Variants in GJC1 observed in about 807,000 individuals in gnomAD.
The protein encoded by GJC1 is gap junction gamma-1 protein.
In GJC1, 5 loss-of-function variants were observed where a neutral mutation model predicts 29.3. The observed-to-expected ratio is 0.17, with a 90% CI of 0.09 to 0.36. The LOEUF (loss-of-function observed/expected upper bound fraction) is 0.36. Ranked by LOEUF, GJC1 falls within the 10% of genes least tolerant of loss-of-function variation. The pLI, the probability that GJC1 is intolerant of heterozygous loss-of-function variation, is 1.00. For synonymous variants in GJC1, 177 were observed against 183.3 expected (o/e 0.97, Z 0.28); for missense variants, 310 against 496.2 (o/e 0.62, Z 3.56).
intron 1 of GJC1, among the ~76,000 whole-genome samples, chr17:44,816,886 T>C (rs1240832356): frequency 6.6e-6 from 1 of 152,202 alleles, no homozygotes; most frequent in Non-Finnish European, 1.5e-5. Flanking sequence ...ATTAAACTCA[T>C]TTTAAAGATG....
intron 1 of GJC1, among the ~76,000 whole-genome samples, chr17:44,824,571 G>A (rs1053752503): frequency 5.3e-5 from 8 of 152,024 alleles, no homozygotes; most frequent in Non-Finnish European, 8.8e-5. Flanking sequence ...CGAAAGTGCT[G>A]GGAGTACATG....
downstream of GJC1, among the ~76,000 whole-genome samples, chr17:44,795,303 C>A (rs143532303): frequency 5.8e-4 from 88 of 152,340 alleles, 2 homozygotes; most frequent in East Asian, 0.016. Flanking sequence ...TCTTGACTCA[C>A]TGCAACCTCT....
intron 1 of GJC1, among the ~76,000 whole-genome samples, chr17:44,810,548 T>C (rs939181912): frequency 2.0e-5 from 3 of 152,166 alleles, no homozygotes; most frequent in African/African-American, 4.8e-5. Context: ...GGGTACTCTA[T>C]ACCCACACTC....
At chr17:44,796,764 T>C (rs1408639739), downstream of GJC1, among the ~76,000 whole-genome samples, 1 of 152,084 alleles carries the variant, frequency 6.6e-6, no homozygotes, top group Non-Finnish European at 1.5e-5. Flanking sequence ...CCCAGAGAAC[T>C]TGTTAGTTCT....
At chr17:44,821,633 G>C (rs1184778110) in intron 1 of GJC1, among the ~76,000 whole-genome samples, 8 of 145,912 alleles carry the variant, frequency 5.5e-5, no homozygotes, top group African/African-American at 1.0e-4. Flanking sequence ...GGAGGTGGAG[G>C]CTGCAGTGAG....
At chr17:44,816,492 GTTTGT>G (rs1243085605) in intron 1 of GJC1, among the ~76,000 whole-genome samples, 1 of 152,046 alleles carries the variant, frequency 6.6e-6, no homozygotes, top group Non-Finnish European at 1.5e-5. Flanking sequence ...ACATAATTCA[GTTTGT>G]TTTGTTTTGT....
downstream of GJC1, among the ~76,000 whole-genome samples, chr17:44,797,267 G>T (rs1442286847): frequency 6.6e-6 from 1 of 151,944 alleles, no homozygotes; most frequent in South Asian, 2.1e-4. Flanking sequence ...CACCATGGCC[G>T]GCTAATTTTT....
At chr17:44,817,864 TA>T (rs2050061301) in intron 1 of GJC1, among the ~76,000 whole-genome samples, 1 of 152,028 alleles carries the variant, frequency 6.6e-6, no homozygotes, top group African/African-American at 2.4e-5. Flanking sequence ...CCAATGGAAT[TA>T]TGTACAGGTT....
chr17:44,806,881 A>C (rs1288106136), intron 2 of GJC1, among the ~76,000 whole-genome samples: 1 of 152,178 alleles, frequency 6.6e-6, no homozygotes, highest in Non-Finnish European at 1.5e-5. Flanking sequence ...ATTTTAGACA[A>C]GTGCTAAAAG....
Position 44,800,026 on chromosome 17 carries a change from C to A in GJC1, c.*4601G>T, listed in dbSNP as rs2049823816. 1.3e-5 allele frequency: 2 copies of A among 152,210 alleles called. No homozygotes were observed. The highest frequency in any genetic ancestry group is 4.8e-5 in the African/African-American group (2 of 41,438). 9.4% of individuals were successfully genotyped at this position (152,210 alleles called of 1,614,324 possible). On this transcript the variant is annotated 3_prime_UTR_variant, in exon 3 of 3. Coordinates refer to ENST00000592524, the MANE Select transcript of GJC1 (RefSeq NM_005497.4). ...CAAGTATGCAATTCAATGATTCCAA[C>A]ATTTGATGGTGACTGTGAATTATTA...
At chr17:44,811,639 G>C (rs532780894) in intron 1 of GJC1, among the ~76,000 whole-genome samples, 1 of 151,918 alleles carries the variant, frequency 6.6e-6, no homozygotes, top group South Asian at 2.1e-4. Context: ...TGCCTGCCTC[G>C]GCCTTCCAAA....
chr17:44,818,558 C>T (rs1430724179), intron 1 of GJC1, among the ~76,000 whole-genome samples: 1 of 150,752 alleles, frequency 6.6e-6, no homozygotes, highest in Non-Finnish European at 1.5e-5. Context: ...GTAATCCTAG[C>T]ACTTTGGGAG....
At chr17:44,821,697 C>CAAAAAAAAAAAAAAAAAAAAAAAA (rs61303163) in intron 1 of GJC1, among the ~76,000 whole-genome samples, 5 of 58,356 alleles carry the variant, frequency 8.6e-5, no homozygotes, top group African/African-American at 3.1e-4. Flanking sequence ...AACTCCGTCT[C>CAAAAAAAAAAAAAAAAAAAAAAAA]AAAAAAAAAA....
chr17:44,821,958 G>A (rs1329967650), intron 1 of GJC1, among the ~76,000 whole-genome samples: 1 of 151,810 alleles, frequency 6.6e-6, no homozygotes, highest in East Asian at 1.9e-4. Context: ...AGCACTTTGG[G>A]AGGCCGAGGC....
intron 1 of GJC1, among the ~76,000 whole-genome samples, chr17:44,810,948 C>T (rs2049973086): frequency 6.6e-6 from 1 of 151,806 alleles, no homozygotes; most frequent in African/African-American, 2.4e-5. Flanking sequence ...TGGCTAATTT[C>T]TGTATAGATG....
chr17:44,811,488 G>C (rs1440284839), intron 1 of GJC1, among the ~76,000 whole-genome samples: 1 of 151,382 alleles, frequency 6.6e-6, no homozygotes, highest in Non-Finnish European at 1.5e-5. Flanking sequence ...CCAGGTTCAG[G>C]TGATCCTCTC....
chr17:44,819,831 T>C (rs958671600), intron 1 of GJC1, among the ~76,000 whole-genome samples: 5 of 152,146 alleles, frequency 3.3e-5, no homozygotes, highest in African/African-American at 1.2e-4. Context: ...CTGTGAATAA[T>C]GCTGTTATGA....
In GJC1 at chr17:44,800,578, C is replaced by G. The variant is rs1164805406; in HGVS notation, c.*4049G>C. On this transcript the variant is annotated 3_prime_UTR_variant, in exon 3 of 3. Coordinates refer to ENST00000592524, the MANE Select transcript of GJC1 (RefSeq NM_005497.4). ...GAAGTGGACTGTCTCTTAAATGAGA[C>G]AGCATAAAGTATGGACTTGTAGAAG... 10 of 152,172 alleles carry G rather than the reference C, an allele frequency of 6.6e-5. No homozygotes were observed. The East Asian group carries it at 1.9e-3, about 29-fold the overall frequency. The allele number at this position is 152,172 out of a possible 1,614,324, so 9.4% of individuals were successfully genotyped here.
chr17:44,821,720 AAAAAAC>A (rs1567714246), intron 1 of GJC1, among the ~76,000 whole-genome samples: 12 of 140,860 alleles, frequency 8.5e-5, no homozygotes, highest in African/African-American at 3.1e-4. Flanking sequence ...AAAAAAAAAA[AAAAAAC>A]AACAAAAAAA....
Sources: gnomAD v4.1 joint callset for allele counts (sites outside exome capture counted in the v4.1 genomes callset) on GRCh38, gnomAD v4.1.1 for gene constraint, MANE v1.5 for transcripts, NCBI Gene and HGNC (gene_info 2026-07-23, HGNC 2026-07-21) for gene names.